Variants in NAV3 observed in about 807,000 individuals in gnomAD.
NAV3 encodes pore membrane and/or filament interacting like protein 1.
A neutral mutation model predicts 244.7 loss-of-function variants in NAV3; 87 were observed. The observed-to-expected ratio is 0.36, with a 90% confidence interval of 0.30 to 0.42. The LOEUF (loss-of-function observed/expected upper bound fraction) is 0.42. NAV3 is among the 20% of genes least tolerant of loss of function. The probability of loss-of-function intolerance (pLI) is 1.00; values close to 1 mark genes in which losing one functional copy is unlikely to be tolerated. For synonymous variants in NAV3, 1,126 were observed against 1,042.2 expected, an observed-to-expected ratio of 1.08 and a Z score of -1.55; for missense variants, 2,663 against 2,893.3, an observed-to-expected ratio of 0.92 and a Z score of 1.83.
At chr12:77,625,671 A>G (rs1422894053) in intron 2 of NAV3, among the ~76,000 whole-genome samples, 6 of 152,196 alleles carry the variant, frequency 3.9e-5, no homozygotes, top group Non-Finnish European at 8.8e-5. Context: ...CTGAGAAACA[A>G]ACAGACACCA....
At chr12:77,935,888 G>T (rs1889277467) in intron 1 of NAV3, among the ~76,000 whole-genome samples, 1 of 152,132 alleles carries the variant, frequency 6.6e-6, no homozygotes, top group South Asian at 2.1e-4. Flanking sequence ...AGAAAAACCA[G>T]ATCTCATGAG....
At chr12:77,718,618 A>T (rs1464896401) in intron 2 of NAV3, among the ~76,000 whole-genome samples, 1 of 148,948 alleles carries the variant, frequency 6.7e-6, no homozygotes, top group Non-Finnish European at 1.5e-5. Context: ...TTGGATTTTG[A>T]TGGAGATTTA....
chr12:77,788,632 G>T (rs1227645314), intron 2 of NAV3, among the ~76,000 whole-genome samples: 3 of 145,220 alleles, frequency 2.1e-5, no homozygotes, highest in East Asian at 4.0e-4. Flanking sequence ...TCTAAAAAAA[G>T]ACTTTTTCAG....
intron 2 of NAV3, among the ~76,000 whole-genome samples, chr12:77,703,931 A>G (rs1342200583): frequency 6.6e-6 from 1 of 152,192 alleles, no homozygotes; most frequent in Non-Finnish European, 1.5e-5. Flanking sequence ...CTGGCTTACC[A>G]ATAATCATTT....
At position 77,955,425 on chromosome 12, in the gene NAV3, G is replaced by T. The variant is rs113323971; in HGVS notation, c.415-10804G>T. Among the ~76,000 whole-genome samples, 716 of 152,182 alleles carry T rather than the reference G, an allele frequency of 4.7e-3. 8 individuals carry two copies. Among genetic ancestry groups the T allele is most frequent in the South Asian group, 0.04 (195 of 4,822 alleles). ...GAACATGGGCTCTGAGTGACCTTGG[G>T]CATAGCAATTCAGTTCTGTGATCAA... On this transcript the variant is annotated intron_variant, in intron 3 of 39. Transcript: ENST00000397909.
intron 2 of NAV3, among the ~76,000 whole-genome samples, chr12:77,696,921 C>G (rs1405888): frequency 0.024 from 3,642 of 152,190 alleles, 146 homozygotes; most frequent in African/African-American, 0.082. Flanking sequence ...CAAAATCTTA[C>G]GCTTCTATAG....
chr12:77,885,669 A>G (rs191620313), intron 1 of NAV3, among the ~76,000 whole-genome samples: 1 of 152,076 alleles, frequency 6.6e-6, no homozygotes, highest in South Asian at 2.1e-4. Context: ...TCCTTCTCTT[A>G]GTTTCTCTGT....
chr12:77,616,547 A>G (rs1871149593), intron 2 of NAV3, among the ~76,000 whole-genome samples: 1 of 152,096 alleles, frequency 6.6e-6, no homozygotes, highest in Admixed American at 6.6e-5. Context: ...ACAGATAACC[A>G]GTGAGGTAGG....
In NAV3 at chr12:77,831,528, G is replaced by A. The variant is rs768500211; in HGVS notation, c.67G>A (p.Ala23Thr). ...PAVGSKPVHTALPIPNLGTTG... is the reference protein window; with the variant it reads ...PAVGSKPVHTTLPIPNLGTTG... The stretch of plus-strand genomic sequence containing the variant: ...TGTTGGGTCAAAGCCTGTGCATACT[G>A]CTCTTCCGATACCAAATCTTGGCAC... Residue 23 changes from alanine (A) to threonine (T), a missense_variant, in exon 1 of 40, where the codon GCT (alanine) becomes ACT (threonine). By Grantham distance (58) the Ala-to-Thr change is moderately conservative (BLOSUM62 0). Coordinates refer to ENST00000397909, the MANE Select transcript of NAV3 (RefSeq NM_001024383.2). 25 of 1,613,920 alleles carry A rather than the reference G, an allele frequency of 1.5e-5. No homozygotes were observed. Among genetic ancestry groups the A allele is most frequent in the Admixed American group, 8.3e-5 (5 of 59,984 alleles).
intron 2 of NAV3, among the ~76,000 whole-genome samples, chr12:77,695,409 C>G (rs1209722965): frequency 6.6e-6 from 1 of 152,130 alleles, no homozygotes; most frequent in Non-Finnish European, 1.5e-5. Context: ...AAGAGACTGT[C>G]TTTTCCCCAG....
intron 22 of NAV3, 112 bp from the exon 23 acceptor site, chr12:78,159,091 G>A: frequency 1.4e-6 from 1 of 720,824 alleles, no homozygotes; most frequent in Non-Finnish European, 2.3e-6. Flanking sequence ...GATAGTCATA[G>A]TATTTAAAGA....
At chr12:77,655,196 T>G (rs1565755855) in intron 2 of NAV3, among the ~76,000 whole-genome samples, 2 of 151,804 alleles carry the variant, frequency 1.3e-5, no homozygotes, top group African/African-American at 2.4e-5. Flanking sequence ...GCAAAGAAGA[T>G]AAAAACTTTG....
chr12:78,116,256 C>T (rs1353887125), intron 12 of NAV3, among the ~76,000 whole-genome samples: 1 of 152,058 alleles, frequency 6.6e-6, no homozygotes, highest in East Asian at 1.9e-4. Context: ...GAATGAATCT[C>T]AATATTCTTG....
At chr12:78,039,375 T>C (rs1191474893) in intron 9 of NAV3, among the ~76,000 whole-genome samples, 2 of 152,116 alleles carry the variant, frequency 1.3e-5, no homozygotes, top group African/African-American at 4.8e-5. Context: ...AGATTAAGGT[T>C]TGTCCTATAA....
At chr12:77,704,247 A>G (rs555139450) in intron 2 of NAV3, among the ~76,000 whole-genome samples, 1 of 152,258 alleles carries the variant, frequency 6.6e-6, no homozygotes, top group South Asian at 2.1e-4. Context: ...GATTACAAAT[A>G]TGCTTTTGTC....
intron 1 of NAV3, among the ~76,000 whole-genome samples, chr12:77,884,149 CT>C (rs1883002413): frequency 6.6e-6 from 1 of 151,968 alleles, no homozygotes; most frequent in African/African-American, 2.4e-5. Flanking sequence ...AGTGTCAATT[CT>C]TGAAAAATGG....
intron 2 of NAV3, among the ~76,000 whole-genome samples, chr12:77,798,379 G>A (rs574984020): frequency 6.6e-6 from 1 of 151,936 alleles, no homozygotes; most frequent in South Asian, 2.1e-4. Context: ...AAATAAATTT[G>A]CTAAGTATAA....
At position 78,006,972 on chromosome 12, in the gene NAV3, T is replaced by C. The variant is rs1874340914; in HGVS notation, c.1434T>C (p.Val478=). 6.2e-7 allele frequency: 1 copy of C among 1,613,922 alleles called. No individual in the cohort carries two copies. The highest frequency in any genetic ancestry group is 1.1e-5 in the South Asian group (1 of 91,072). The part of the protein sequence containing the change: ...KEEKNRDKNK[V]CTEKPVKEEK... ...AAAAGAACAGGGACAAAAATAAAGT[T>C]TGCACTGAAAAACCAGTCAAAGAAG... Residue 478 remains valine, a synonymous_variant, in exon 8 of 40, where the codon GTT becomes GTC. Coordinates refer to ENST00000397909, the MANE Select transcript of NAV3 (RefSeq NM_001024383.2).
At chr12:78,143,469 A>G (rs1354044731) in intron 20 of NAV3, 2 of 372,070 alleles carry the variant, frequency 5.4e-6, no homozygotes, top group East Asian at 9.5e-5. Context: ...CGTCTCTACT[A>G]AAAATACAGA....
Sources: gnomAD v4.1 joint callset for allele counts (sites outside exome capture counted in the v4.1 genomes callset) on GRCh38, gnomAD v4.1.1 for gene constraint, MANE v1.5 for transcripts, NCBI Gene and HGNC (gene_info 2026-07-23, HGNC 2026-07-21) for gene names.